ACSL3: variants seen among roughly 807,000 people sequenced by gnomAD.
ACSL3 encodes fatty acid CoA ligase Acsl3.
ACSL3 carries 34 observed loss-of-function variants against 84.7 expected under a neutral mutation model. The ratio of observed to expected loss-of-function variants is 0.40; its 90% CI spans 0.31 to 0.53. The LOEUF (loss-of-function observed/expected upper bound fraction) is 0.53. Among genes scored for constraint, ACSL3 ranks in the 20% least tolerant of loss-of-function variants. The probability of loss-of-function intolerance (pLI) is 0.48; values close to 1 mark genes in which losing one functional copy is unlikely to be tolerated. For missense variants in ACSL3, 680 were observed against 873.1 expected, an observed-to-expected ratio of 0.78 and a Z score of 2.79; for synonymous variants, 315 against 299.4, an observed-to-expected ratio of 1.05 and a Z score of -0.54.
chr2:222,918,993 G>A, intron 6 of ACSL3, 71 bp from the exon 7 acceptor site: 2 of 1,550,884 alleles, frequency 1.3e-6, no homozygotes, highest in South Asian at 1.2e-5. Flanking sequence ...ACCGAATATG[G>A]TAAACTAGTA....
intron 4 of ACSL3, among the ~76,000 whole-genome samples, chr2:222,914,438 C>CT (rs932916347): frequency 6.6e-6 from 1 of 151,944 alleles, no homozygotes; most frequent in South Asian, 2.1e-4. Context: ...AATTTTTACA[C>CT]TTTTTTAGAC....
Position 222,941,854 on chromosome 2 carries a change from C to T in ACSL3, c.*200C>T, listed in dbSNP as rs145290953. On this transcript the variant is annotated 3_prime_UTR_variant, in exon 17 of 17. Transcript: ENST00000357430. ...TGTCTGTCTCTTCTTTCATTTTCCC[C>T]GCCACCAACTTACTTTACCACCTAT... 44 of 513,936 alleles carry T rather than the reference C, an allele frequency of 8.6e-5. No individual in the cohort carries two copies. The Admixed American group carries it at 8.8e-4, about 10-fold the overall frequency. The allele number at this position is 513,936 out of a possible 1,614,324, so 31.8% of individuals were successfully genotyped here. A position where few individuals can be genotyped will look rare whatever the true frequency, so the allele number is the denominator to read the frequency against.
At position 222,943,091 on chromosome 2, in the gene ACSL3, A is replaced by C. The variant is rs974743446; in HGVS notation, c.*1437A>C. 9.9e-6 allele frequency: 1 copy of C among 100,558 alleles called. No homozygotes were observed. The highest frequency in any genetic ancestry group is 1.6e-5 in the Non-Finnish European group (1 of 60,998). 6.2% of individuals were successfully genotyped at this position (100,558 alleles called of 1,614,324 possible). ...GGCATCAAAAGGCAAAAATCAAAAA[A>C]AAAAAAAACAAAAACAAAAAAAAAG... On this transcript the variant is annotated 3_prime_UTR_variant, in exon 17 of 17. Transcript: ENST00000357430.
chr2:222,914,897 G>C (rs1696535017), intron 4 of ACSL3, among the ~76,000 whole-genome samples: 1 of 152,156 alleles, frequency 6.6e-6, no homozygotes. Context: ...ATGAGATTCA[G>C]ATTTCGTTTT....
At chr2:222,912,738 T>G (rs1696479522) in intron 4 of ACSL3, among the ~76,000 whole-genome samples, 1 of 152,178 alleles carries the variant, frequency 6.6e-6, no homozygotes, top group African/African-American at 2.4e-5. Flanking sequence ...ATGACCCTGC[T>G]CTCGTTGTGT....
At chr2:222,872,434 A>G (rs571859163) in intron 1 of ACSL3, among the ~76,000 whole-genome samples, 71 of 152,262 alleles carry the variant, frequency 4.7e-4, no homozygotes, top group African/African-American at 1.7e-3. Flanking sequence ...CATATTTTTT[A>G]TAGAAAGAAA....
At chr2:222,888,656 A>T (rs1472896889) in intron 2 of ACSL3, among the ~76,000 whole-genome samples, 2 of 152,188 alleles carry the variant, frequency 1.3e-5, no homozygotes, top group African/African-American at 4.8e-5. Flanking sequence ...TAATATGTTT[A>T]TTATTAAAAA....
Position 222,861,174 on chromosome 2 carries a change from G to C in ACSL3, c.-291G>C, listed in dbSNP as rs1694992121. ...CCGACAGCTGCGCCAGGATCCCCGG[G>C]CGGCGGCGCGGGGCGTGAACGCTCT... On this transcript the variant is annotated 5_prime_UTR_variant, in exon 1 of 17. Transcript: ENST00000357430. 6.6e-6 allele frequency: 1 copy of C among 152,330 alleles called. No homozygotes were observed. Among genetic ancestry groups the C allele is most frequent in the African/African-American group, 2.4e-5 (1 of 41,438 alleles). 9.4% of individuals were successfully genotyped at this position (152,330 alleles called of 1,614,324 possible).
chr2:222,921,796 T>G (rs1696746958), intron 8 of ACSL3, among the ~76,000 whole-genome samples: 1 of 152,174 alleles, frequency 6.6e-6, no homozygotes, highest in South Asian at 2.1e-4. Flanking sequence ...ATTTGGTCTC[T>G]GATTTTTCTT....
chr2:222,883,665 C>G (rs571387569), intron 1 of ACSL3, among the ~76,000 whole-genome samples: 36 of 150,462 alleles, frequency 2.4e-4, no homozygotes, highest in African/African-American at 8.8e-4. Context: ...GGAATTTCTG[C>G]TTGCAAAATG....
intron 3 of ACSL3, among the ~76,000 whole-genome samples, chr2:222,906,930 C>A (rs763155545): frequency 4.0e-4 from 61 of 152,180 alleles, no homozygotes; most frequent in Non-Finnish European, 4.9e-4. Context: ...TTGTTTTTGA[C>A]AGTGCCATTA....
At chr2:222,907,068 C>G (rs926977684) in intron 3 of ACSL3, among the ~76,000 whole-genome samples, 1 of 152,206 alleles carries the variant, frequency 6.6e-6, no homozygotes, top group Non-Finnish European at 1.5e-5. Context: ...GGAGCTGGGG[C>G]TGGGGACAGC....
intron 1 of ACSL3, among the ~76,000 whole-genome samples, chr2:222,863,700 C>T (rs1695068763): frequency 6.6e-6 from 1 of 152,166 alleles, no homozygotes; most frequent in Non-Finnish European, 1.5e-5. Flanking sequence ...ATACGCTTCA[C>T]AGGGTCATTT....
chr2:222,862,971 A>G (rs1695051247), intron 1 of ACSL3, among the ~76,000 whole-genome samples: 1 of 152,232 alleles, frequency 6.6e-6, no homozygotes, highest in African/African-American at 2.4e-5. Context: ...TGAGAATCAG[A>G]TCTTAAAGCC....
At chr2:222,938,051 G>A (rs938751104) in intron 16 of ACSL3, among the ~76,000 whole-genome samples, 90 of 152,010 alleles carry the variant, frequency 5.9e-4, no homozygotes, top group African/African-American at 1.9e-3. Context: ...TTAATCTTCC[G>A]TCTCATATAA....
chr2:222,933,386 T>C (rs904650524), intron 15 of ACSL3, 106 bp downstream of exon 15: 3 of 733,690 alleles, frequency 4.1e-6, no homozygotes, highest in South Asian at 4.2e-5. Flanking sequence ...GAACTCTTCC[T>C]ATCTGTTACT....
At chr2:222,935,550 G>C (rs1697149961) in intron 16 of ACSL3, among the ~76,000 whole-genome samples, 1 of 152,116 alleles carries the variant, frequency 6.6e-6, no homozygotes, top group Non-Finnish European at 1.5e-5. Context: ...AGTAATGTCA[G>C]ATTCCACACA....
chr2:222,941,490 A>C lies in ACSL3; in HGVS notation c.2006-7A>C. On this transcript the variant is annotated splice_region_variant and splice_polypyrimidine_tract_variant and intron_variant, in intron 16 of 16. Transcript: ENST00000357430. Reference sequence around the variant, plus strand: ...TTTCTTCTTTTCTTTTTTTTTAATCATCTTAGCAAGTCTGGAAAAGTTTGA... The same window carrying C: ...TTTCTTCTTTTCTTTTTTTTTAATCCTCTTAGCAAGTCTGGAAAAGTTTGA... 6.4e-7 allele frequency: 1 copy of C among 1,566,912 alleles called. No individual in the cohort carries two copies. The highest frequency in any genetic ancestry group is 8.6e-7 in the Non-Finnish European group (1 of 1,162,338).
intron 13 of ACSL3, among the ~76,000 whole-genome samples, chr2:222,929,236 CTT>C (rs1470549035): frequency 2.6e-5 from 4 of 152,088 alleles, no homozygotes; most frequent in Non-Finnish European, 5.9e-5. Context: ...GTGATCATAA[CTT>C]TATTTTGCAG....
Sources: gnomAD v4.1 joint callset for allele counts (sites outside exome capture counted in the v4.1 genomes callset) on GRCh38, gnomAD v4.1.1 for gene constraint, MANE v1.5 for transcripts, NCBI Gene and HGNC (gene_info 2026-07-23, HGNC 2026-07-21) for gene names.